Variants in MCF2L observed in about 807,000 individuals in gnomAD.
MCF2L encodes guanine nucleotide exchange factor DBS.
A neutral mutation model predicts 153.4 loss-of-function variants in MCF2L; 97 were observed. The observed-to-expected ratio is 0.63, with a 90% CI of 0.54 to 0.75. The LOEUF is 0.75. Ranked by LOEUF, MCF2L falls within the 30% of genes least tolerant of loss-of-function variation. The pLI, the probability that MCF2L is intolerant of heterozygous loss-of-function variation, is 0.00. For missense variants in MCF2L, 1,347 were observed against 1,495.2 expected (o/e 0.90, Z 1.64); for synonymous variants, 659 against 632.2 (o/e 1.04, Z -0.64).
intron 4 of MCF2L, among the ~76,000 whole-genome samples, chr13:113,059,433 G>C (rs747951501): frequency 6.6e-6 from 1 of 152,200 alleles, no homozygotes; most frequent in African/African-American, 2.4e-5. Context: ...TATTCCTTTC[G>C]GGCTTTAGGG....
chr13:113,081,303 C>A lies in MCF2L; in HGVS notation c.1875+24C>A, dbSNP rs776857722. The A allele has an allele frequency of 1.4e-5, 22 of 1,564,200 alleles. No homozygotes were observed. The East Asian group carries it at 4.9e-4, about 35-fold the overall frequency. On this transcript the variant is annotated intron_variant, in intron 16 of 29. Coordinates refer to ENST00000535094, the MANE Select transcript of MCF2L (RefSeq NM_001112732.3). ...AGGTGAGGCTGGACTCGGGGAGGGC[C>A]GACTGCCACGGGGACTCCCCTGGGC...
intron 1 of MCF2L, among the ~76,000 whole-genome samples, chr13:113,006,933 G>T (rs2083742413): frequency 1.3e-5 from 2 of 152,200 alleles, no homozygotes; most frequent in South Asian, 4.1e-4. Flanking sequence ...GCTGTGACCG[G>T]AGGTGGCAAA....
At chr13:112,919,575 T>TAA (rs149709850) in intron 2 of MCF2L, among the ~76,000 whole-genome samples, 11 of 151,146 alleles carry the variant, frequency 7.3e-5, no homozygotes, top group African/African-American at 2.7e-4. Flanking sequence ...CTGTTTTGTT[T>TAA]TAAAAAAAAA....
chr13:113,019,569 G>T (rs769727544), intron 2 of MCF2L, among the ~76,000 whole-genome samples: 1 of 152,226 alleles, frequency 6.6e-6, no homozygotes, highest in African/African-American at 2.4e-5. Flanking sequence ...CAGGAATCCC[G>T]TTAGGTTTGG....
intron 1 of MCF2L, among the ~76,000 whole-genome samples, chr13:112,972,502 G>GGATA (rs2082076430): frequency 6.6e-6 from 1 of 150,612 alleles, no homozygotes; most frequent in African/African-American, 2.4e-5. Context: ...GATGATGGAT[G>GGATA]GATGGATGTG....
At chr13:113,084,298 AACCTCCTGTACCCCAGG>A (rs1296115954) in intron 18 of MCF2L, among the ~76,000 whole-genome samples, 10 of 62,284 alleles carry the variant, frequency 1.6e-4, no homozygotes, top group Non-Finnish European at 4.2e-4. Flanking sequence ...GAACCCCCAG[AACCTCCTGTACCCCAGG>A]ACCTCCTGTA....
In MCF2L at chr13:112,979,438, G is replaced by A. The variant is rs2082322984; in HGVS notation, c.79+9980G>A. 3 of 1,410,028 alleles carry A rather than the reference G, an allele frequency of 2.1e-6. No individual in the cohort carries two copies. The African/African-American group carries it at 4.4e-5, about 21-fold the overall frequency. 87.3% of individuals were successfully genotyped at this position (1,410,028 alleles called of 1,614,324 possible). ...CAGGCTCTGGGAGGCCGGGCACTCTGAGGAGGTGGCTCAGCCCTCTTGGGT... is the reference window on the plus strand; with the variant it reads ...CAGGCTCTGGGAGGCCGGGCACTCTAAGGAGGTGGCTCAGCCCTCTTGGGT... On this transcript the variant is annotated intron_variant, in intron 1 of 29. Transcript: ENST00000535094.
intron 3 of MCF2L, chr13:113,040,775 G>A (rs1399536297): frequency 2.0e-5 from 3 of 152,286 alleles, no homozygotes; most frequent in Non-Finnish European, 2.9e-5. Context: ...CCCACTGGTA[G>A]AGAGGAGCCA....
chr13:113,048,150 C>T (rs1032858295), intron 4 of MCF2L, among the ~76,000 whole-genome samples: 1 of 152,212 alleles, frequency 6.6e-6, no homozygotes, highest in Non-Finnish European at 1.5e-5. Context: ...CTTCAGCTGC[C>T]GAGTGTCCTG....
chr13:112,969,662 A>T lies in MCF2L; in HGVS notation c.79+204A>T, dbSNP rs912871157. On this transcript the variant is annotated intron_variant, in intron 1 of 29. Coordinates refer to ENST00000535094, the MANE Select transcript of MCF2L (RefSeq NM_001112732.3). This position sits in a 1 kb window ranked among gnomAD's most constrained non-coding sequence, Gnocchi z 4.8. ...TATGCTGCCCGGGATAGTCAAAATG[A>T]CTGCACGTTGGTGACACTGGCTCTC... 9.2e-6 allele frequency: 4 copies of T among 434,796 alleles called. No homozygotes were observed. Among genetic ancestry groups the T allele is most frequent in the African/African-American group, 8.6e-5 (4 of 46,536 alleles). The allele number at this position is 434,796 out of a possible 1,614,324, so 26.9% of individuals were successfully genotyped here.
intron 2 of MCF2L, among the ~76,000 whole-genome samples, chr13:112,934,977 T>C (rs570503542): frequency 6.6e-6 from 1 of 152,326 alleles, no homozygotes; most frequent in Non-Finnish European, 1.5e-5. Flanking sequence ...GAAAATGTGA[T>C]AAGATCACAT....
In MCF2L at chr13:112,960,617, T is replaced by C. The variant is rs1184081534; in HGVS notation, c.170-54146T>C. 6.6e-6 allele frequency among the ~76,000 whole-genome samples: 1 copy of C among 152,174 alleles called. No individual in the cohort carries two copies. The highest frequency in any genetic ancestry group is 2.4e-5 in the African/African-American group (1 of 41,438). The stretch of plus-strand genomic sequence containing the variant: ...TTTCCTATTGCAGTTGACAGATCAC[T>C]GCAAACACTGGCTAACCACACACAT... On this transcript the variant is annotated intron_variant, in intron 2 of 29. Coordinates refer to the MCF2L transcript ENST00000375608. The surrounding 1 kb of genome is among the most constrained non-coding windows in gnomAD (Gnocchi z 4.2).
At chr13:112,905,109 A>G (rs1329725399) in intron 2 of MCF2L, among the ~76,000 whole-genome samples, 1 of 152,232 alleles carries the variant, frequency 6.6e-6, no homozygotes, top group African/African-American at 2.4e-5. Context: ...AAGAACTCGG[A>G]GTTGCAAAGA....
At chr13:113,075,382 C>CTT (rs35309929) in intron 11 of MCF2L, among the ~76,000 whole-genome samples, 193 bp downstream of exon 11, 3 of 144,366 alleles carry the variant, frequency 2.1e-5, no homozygotes, top group Admixed American at 6.8e-5. Flanking sequence ...AGTTTTATTT[C>CTT]TTTTTTTTTT....
In MCF2L at chr13:112,987,599, T is replaced by C. The variant is rs1163247497; in HGVS notation, c.79+18141T>C. On this transcript the variant is annotated intron_variant, in intron 1 of 29. Coordinates refer to ENST00000535094, the MANE Select transcript of MCF2L (RefSeq NM_001112732.3). ...GTGTGAGGTCTCGGCCTGCGCTGCA[T>C]GCAACGTTTTCACTTCCATGGTAGT... Among the ~76,000 whole-genome samples, 5 of 152,048 alleles carry C rather than the reference T, an allele frequency of 3.3e-5. No individual in the cohort carries two copies. The East Asian group carries it at 9.7e-4, about 29-fold the overall frequency.
intron 17 of MCF2L, among the ~76,000 whole-genome samples, chr13:113,082,787 T>C (rs1047946006): frequency 6.6e-6 from 1 of 152,068 alleles, no homozygotes; most frequent in Non-Finnish European, 1.5e-5. Flanking sequence ...CCGCCAGCCG[T>C]GAGGAGAGGG....
At chr13:112,923,257 C>CTTTTTTTTTTTTTTTTTTTTT (rs57030206) in intron 2 of MCF2L, among the ~76,000 whole-genome samples, 1 of 78,446 alleles carries the variant, frequency 1.3e-5, no homozygotes, top group African/African-American at 5.2e-5. Context: ...GTGTTTGCTT[C>CTTTTTTTTTTTTTTTTTTTTT]TTTTTTTTTT....
chr13:112,897,175 T>C (rs1188316846), intron 1 of MCF2L, among the ~76,000 whole-genome samples: 1 of 152,116 alleles, frequency 6.6e-6, no homozygotes, highest in African/African-American at 2.4e-5. Flanking sequence ...AACCCCCGCT[T>C]TGGGAAAGCT....
intron 3 of MCF2L, chr13:113,044,607 A>G: frequency 6.4e-7 from 1 of 1,565,764 alleles, no homozygotes; most frequent in African/African-American, 1.4e-5. Context: ...TTGGCTGCAG[A>G]GTGAGCCCAC....
Sources: allele counts gnomAD v4.1 joint callset (sites outside exome capture counted in the v4.1 genomes callset), GRCh38; gene constraint gnomAD v4.1.1; non-coding constraint Gnocchi (gnomAD v3.1); transcripts MANE v1.5; gene names NCBI Gene and HGNC (gene_info 2026-07-23, HGNC 2026-07-21).